NKAIN3: variants seen among roughly 807,000 people sequenced by gnomAD.
The protein encoded by NKAIN3 is sodium/potassium-transporting ATPase subunit beta-1-interacting protein 3.
NKAIN3 carries 25 observed loss-of-function variants against 30.2 expected under a neutral mutation model. The ratio of observed to expected loss-of-function variants is 0.83; its 90% CI spans 0.60 to 1.16. The LOEUF (loss-of-function observed/expected upper bound fraction) is 1.16. Among genes scored for constraint, NKAIN3 ranks in the 50% most tolerant of loss-of-function variants. The probability of loss-of-function intolerance (pLI) is 0.00; values close to 1 mark genes in which losing one functional copy is unlikely to be tolerated. For missense variants in NKAIN3, 225 were observed against 254.1 expected, an observed-to-expected ratio of 0.89 and a Z score of 0.78; for synonymous variants, 91 against 89.6, an observed-to-expected ratio of 1.02 and a Z score of -0.09.
At chr8:62,821,900 G>C (rs115847457) in intron 4 of NKAIN3, among the ~76,000 whole-genome samples, 1 of 151,506 alleles carries the variant, frequency 6.6e-6, no homozygotes, top group Non-Finnish European at 1.5e-5. Context: ...AAAATTCGGC[G>C]AATTTTTATT....
At chr8:62,425,010 TTATG>T (rs1383360467) in intron 1 of NKAIN3, among the ~76,000 whole-genome samples, 1 of 151,830 alleles carries the variant, frequency 6.6e-6, no homozygotes, top group Admixed American at 6.6e-5. Flanking sequence ...CTTGAGGACA[TTATG>T]TTAAGGGAAA....
chr8:62,793,912 C>T (rs1817771426), intron 4 of NKAIN3, among the ~76,000 whole-genome samples: 1 of 152,104 alleles, frequency 6.6e-6, no homozygotes, highest in Non-Finnish European at 1.5e-5. Flanking sequence ...GGGGGGAAAT[C>T]ACTAATAAAG....
chr8:62,353,046 T>C (rs371198087), intron 1 of NKAIN3, among the ~76,000 whole-genome samples: 1 of 152,146 alleles, frequency 6.6e-6, no homozygotes, highest in East Asian at 1.9e-4. Flanking sequence ...TCCCAGATGT[T>C]GTGTAGGCTG....
chr8:62,368,229 T>C (rs1816798515), intron 1 of NKAIN3, among the ~76,000 whole-genome samples: 1 of 152,106 alleles, frequency 6.6e-6, no homozygotes, highest in Admixed American at 6.5e-5. Flanking sequence ...ACTTCTAAAA[T>C]TCATATGGAA....
chr8:62,320,516 A>C (rs1297330508), intron 1 of NKAIN3, among the ~76,000 whole-genome samples: 1 of 152,042 alleles, frequency 6.6e-6, no homozygotes, highest in Non-Finnish European at 1.5e-5. Context: ...GAGCTCTTTT[A>C]GGGCAGGCCT....
intron 3 of NKAIN3, among the ~76,000 whole-genome samples, chr8:62,621,162 T>C (rs7836079): frequency 0.48 from 73,153 of 151,932 alleles, 20,690 homozygotes; most frequent in African/African-American, 0.79. Flanking sequence ...GTTAAATTAG[T>C]CCATTAATTA....
intron 5 of NKAIN3, among the ~76,000 whole-genome samples, chr8:62,998,279 T>C (rs1430061402): frequency 6.6e-6 from 1 of 152,086 alleles, no homozygotes; most frequent in African/African-American, 2.4e-5. Context: ...TCTCTTTTTT[T>C]TTCCCCCACA....
intron 4 of NKAIN3, among the ~76,000 whole-genome samples, chr8:62,801,962 T>C (rs1161557867): frequency 5.9e-5 from 9 of 152,106 alleles, no homozygotes; most frequent in East Asian, 3.9e-4. Context: ...TCGAGAACTA[T>C]GTGAAGAATG....
chr8:62,558,601 T>C (rs546891454), intron 1 of NKAIN3, among the ~76,000 whole-genome samples: 169 of 152,214 alleles, frequency 1.1e-3, no homozygotes, highest in African/African-American at 3.8e-3. Flanking sequence ...AACATTATGA[T>C]TCATAAGACA....
chr8:62,369,569 A>G (rs775075248), intron 1 of NKAIN3, among the ~76,000 whole-genome samples: 9 of 152,080 alleles, frequency 5.9e-5, no homozygotes, highest in African/African-American at 9.7e-5. Flanking sequence ...TGTTCAAATT[A>G]CTGACATTCC....
intron 4 of NKAIN3, among the ~76,000 whole-genome samples, chr8:62,810,353 G>T (rs1231959818): frequency 6.6e-6 from 1 of 151,994 alleles, no homozygotes; most frequent in Non-Finnish European, 1.5e-5. Flanking sequence ...TGGAGGAGTA[G>T]GTCATTTCTC....
At chr8:62,677,046 T>G (rs76968900) in intron 3 of NKAIN3, among the ~76,000 whole-genome samples, 3 of 152,074 alleles carry the variant, frequency 2.0e-5, no homozygotes, top group African/African-American at 4.8e-5. Context: ...GTATGATGCA[T>G]AAGTGCTGGG....
chr8:62,577,482 T>C (rs1810149932), intron 1 of NKAIN3, among the ~76,000 whole-genome samples: 1 of 148,188 alleles, frequency 6.7e-6, no homozygotes, highest in African/African-American at 2.5e-5. Context: ...TTTTTGGTTT[T>C]TTTTTTTGTT....
chr8:62,876,610 A>G (rs1228450809), intron 4 of NKAIN3, among the ~76,000 whole-genome samples: 4 of 152,226 alleles, frequency 2.6e-5, no homozygotes, highest in African/African-American at 9.6e-5. Flanking sequence ...TGGTAAATAT[A>G]CACCATAGAA....
At chr8:62,751,556 C>A (rs1170545870) in intron 4 of NKAIN3, among the ~76,000 whole-genome samples, 1 of 152,070 alleles carries the variant, frequency 6.6e-6, no homozygotes, top group Non-Finnish European at 1.5e-5. Context: ...CTCTTCTGAG[C>A]CCTTCTTTTT....
chr8:62,479,095 A>G (rs1318497742), intron 1 of NKAIN3, among the ~76,000 whole-genome samples: 1 of 152,172 alleles, frequency 6.6e-6, no homozygotes, highest in Non-Finnish European at 1.5e-5. Flanking sequence ...TCATGAGGCC[A>G]TAAAATGCAG....
intron 4 of NKAIN3, among the ~76,000 whole-genome samples, chr8:62,814,651 A>G (rs1484222628): frequency 6.6e-6 from 1 of 152,158 alleles, no homozygotes; most frequent in African/African-American, 2.4e-5. Context: ...TAAAGAAATG[A>G]AGGCAGAAAT....
chr8:62,948,345 A>G (rs1282151057), intron 5 of NKAIN3, among the ~76,000 whole-genome samples: 1 of 151,928 alleles, frequency 6.6e-6, no homozygotes, highest in Non-Finnish European at 1.5e-5. Flanking sequence ...GATTACAGGC[A>G]CGCGCCACCA....
chr8:62,430,346 GATAC>G (rs1427086016), intron 1 of NKAIN3, among the ~76,000 whole-genome samples: 13 of 147,302 alleles, frequency 8.8e-5, no homozygotes, highest in Admixed American at 8.3e-4. Context: ...TACTCTCTGA[GATAC>G]ATACATATAT....
Sources: allele counts gnomAD v4.1 joint callset (sites outside exome capture counted in the v4.1 genomes callset), GRCh38; gene constraint gnomAD v4.1.1; transcripts MANE v1.5; gene names NCBI Gene and HGNC (gene_info 2026-07-23, HGNC 2026-07-21).